The following GBE1 variants were observed in gnomAD, a reference collection of about 807,000 sequenced individuals.
The protein encoded by GBE1 is 1,4-alpha-glucan branching enzyme 1.
In GBE1, 70 loss-of-function variants were observed where a neutral mutation model predicts 88.8. That is an observed-to-expected ratio of 0.79 (90% CI 0.65 to 0.96). The LOEUF is 0.96. Ranked by LOEUF, GBE1 falls within the 40% of genes least tolerant of loss-of-function variation. GBE1 has a pLI of 0.00. For synonymous variants in GBE1, 284 were observed against 300.1 expected (o/e 0.95, Z 0.56); for missense variants, 872 against 871.0 (o/e 1.00, Z -0.01).
At chr3:81,696,677 GAAC>G (rs1169896927) in intron 2 of GBE1, among the ~76,000 whole-genome samples, 1 of 151,994 alleles carries the variant, frequency 6.6e-6, no homozygotes, top group Non-Finnish European at 1.5e-5. Flanking sequence ...AACTGCTAAA[GAAC>G]AACCATAAAC....
intron 1 of GBE1, among the ~76,000 whole-genome samples, chr3:81,734,205 T>C (rs1706225077): frequency 6.6e-6 from 1 of 152,164 alleles, no homozygotes; most frequent in South Asian, 2.1e-4. Flanking sequence ...GTAAAATAAA[T>C]ACACTAAATT....
chr3:81,528,457 C>T (rs1045522545), intron 14 of GBE1, among the ~76,000 whole-genome samples: 1 of 151,906 alleles, frequency 6.6e-6, no homozygotes, highest in Non-Finnish European at 1.5e-5. Flanking sequence ...CTTTTGCAGC[C>T]GTTGGATGAA....
intron 7 of GBE1, among the ~76,000 whole-genome samples, chr3:81,622,080 CA>C (rs1704340988): frequency 6.6e-6 from 1 of 152,156 alleles, no homozygotes; most frequent in African/African-American, 2.4e-5. Flanking sequence ...TTCCAGCTAC[CA>C]AACCCACTTT....
chr3:81,729,817 T>C (rs1458597928), intron 1 of GBE1, among the ~76,000 whole-genome samples: 1 of 152,100 alleles, frequency 6.6e-6, no homozygotes, highest in Non-Finnish European at 1.5e-5. Context: ...TCCCTCACCA[T>C]GTTCTTCCCC....
chr3:81,760,725 AC>A (rs1356841793), intron 1 of GBE1, among the ~76,000 whole-genome samples: 27 of 152,176 alleles, frequency 1.8e-4, no homozygotes, highest in Admixed American at 1.8e-3. Context: ...TGCTTTCCTG[AC>A]CTTTCTCCCT....
At chr3:81,602,058 T>A (rs1397603382) in intron 7 of GBE1, among the ~76,000 whole-genome samples, 2 of 152,180 alleles carry the variant, frequency 1.3e-5, no homozygotes, top group African/African-American at 4.8e-5. Context: ...TATGGGAGTA[T>A]GAGACTGTAT....
Position 81,750,565 on chromosome 3 carries a change from A to G in GBE1, c.143+10810T>C, listed in dbSNP as rs796969685. On this transcript the variant is annotated intron_variant, in intron 1 of 15. Coordinates refer to ENST00000429644, the MANE Select transcript of GBE1 (RefSeq NM_000158.4). ...TATATATATATGTATATATATATGTATATATATATACGTATATATATACGT... is the reference window on the plus strand; with the variant it reads ...TATATATATATGTATATATATATGTGTATATATATACGTATATATATACGT... Among the ~76,000 whole-genome samples the G allele has an allele frequency of 3.6e-3, 232 of 63,636 alleles. 17 individuals carry two copies. Among genetic ancestry groups the G allele is most frequent in the South Asian group, 0.021 (58 of 2,782 alleles). 41.7% of individuals were successfully genotyped at this position (63,636 alleles called of 152,430 possible). A position where few individuals can be genotyped will look rare whatever the true frequency, so the allele number is the denominator to read the frequency against.
intron 1 of GBE1, among the ~76,000 whole-genome samples, chr3:81,717,147 C>A (rs891583338): frequency 6.6e-6 from 1 of 152,180 alleles, no homozygotes; most frequent in South Asian, 2.1e-4. Context: ...AGTTTATTTT[C>A]TCTTGTGTAA....
intron 5 of GBE1, 30 bp downstream of exon 5, chr3:81,648,826 A>G: frequency 1.5e-6 from 2 of 1,346,926 alleles, no homozygotes; most frequent in Non-Finnish European, 2.0e-6. Context: ...TTAAAATTTT[A>G]TCTGAATAAA....
At chr3:81,751,761 T>C (rs1169937020) in intron 1 of GBE1, among the ~76,000 whole-genome samples, 1 of 152,246 alleles carries the variant, frequency 6.6e-6, no homozygotes, top group Middle Eastern at 3.2e-3. Flanking sequence ...ATTGAAAGTG[T>C]GCTGGGTTTT....
At chr3:81,725,063 C>T (rs955780095) in intron 1 of GBE1, among the ~76,000 whole-genome samples, 6 of 152,142 alleles carry the variant, frequency 3.9e-5, no homozygotes, top group Admixed American at 6.5e-5. Context: ...GTACACTAAA[C>T]TCTTTTAAAT....
At chr3:81,731,500 C>T (rs747521317) in intron 1 of GBE1, among the ~76,000 whole-genome samples, 11 of 152,074 alleles carry the variant, frequency 7.2e-5, no homozygotes, top group Non-Finnish European at 1.6e-4. Context: ...TAGATGATAA[C>T]ATTTTGATTG....
chr3:81,542,068 TTATATC>T (rs937040537), intron 12 of GBE1, among the ~76,000 whole-genome samples: 50 of 152,230 alleles, frequency 3.3e-4, no homozygotes, highest in African/African-American at 1.2e-3. Context: ...ATCTGTATAT[TTATATC>T]TATATCTATA....
At chr3:81,555,800 C>T (rs1703339519) in intron 12 of GBE1, among the ~76,000 whole-genome samples, 1 of 152,154 alleles carries the variant, frequency 6.6e-6, no homozygotes, top group South Asian at 2.1e-4. Flanking sequence ...TGAGAAGTAT[C>T]TTTCCTTCAG....
At chr3:81,502,218 C>T (rs1341557812) in intron 14 of GBE1, among the ~76,000 whole-genome samples, 1 of 152,024 alleles carries the variant, frequency 6.6e-6, no homozygotes, top group African/African-American at 2.4e-5. Flanking sequence ...TTTGTGTATA[C>T]TTTTCTCAAT....
intron 7 of GBE1, among the ~76,000 whole-genome samples, chr3:81,604,853 A>G (rs1704084161): frequency 6.6e-6 from 1 of 152,170 alleles, no homozygotes; most frequent in Admixed American, 6.5e-5. Context: ...CCCACAGCTT[A>G]CAATTTCTCT....
chr3:81,745,542 T>A (rs1706409546), intron 1 of GBE1, among the ~76,000 whole-genome samples: 1 of 151,878 alleles, frequency 6.6e-6, no homozygotes, highest in Non-Finnish European at 1.5e-5. Context: ...ATAATAATTA[T>A]TGTAATGATG....
chr3:81,653,070 G>C (rs1260144620), intron 3 of GBE1, among the ~76,000 whole-genome samples: 1 of 152,170 alleles, frequency 6.6e-6, no homozygotes, highest in Non-Finnish European at 1.5e-5. Flanking sequence ...GAGTTCACTT[G>C]ATACTGTCAA....
At chr3:81,587,188 C>T (rs1703814447) in intron 9 of GBE1, among the ~76,000 whole-genome samples, 1 of 151,918 alleles carries the variant, frequency 6.6e-6, no homozygotes, top group African/African-American at 2.4e-5. Flanking sequence ...AATAAGTATC[C>T]AATAATTAAT....
Sources: gnomAD v4.1 joint callset for allele counts (sites outside exome capture counted in the v4.1 genomes callset) on GRCh38, gnomAD v4.1.1 for gene constraint, MANE v1.5 for transcripts, NCBI Gene and HGNC (gene_info 2026-07-23, HGNC 2026-07-21) for gene names.